FER: variants seen among roughly 807,000 people sequenced by gnomAD.
The protein encoded by FER is FER tyrosine kinase.
A neutral mutation model predicts 111.0 loss-of-function variants in FER; 63 were observed. The ratio of observed to expected loss-of-function variants is 0.57; its 90% CI spans 0.46 to 0.70. FER has a LOEUF of 0.70. Among genes scored for constraint, FER ranks in the 30% least tolerant of loss-of-function variants. FER has a pLI of 0.00. For synonymous variants in FER, 327 were observed against 313.9 expected, an observed-to-expected ratio of 1.04 and a Z score of -0.44; for missense variants, 914 against 954.0, an observed-to-expected ratio of 0.96 and a Z score of 0.55.
chr5:108,988,117 A>T (rs556278634), intron 13 of FER, among the ~76,000 whole-genome samples: 2 of 152,206 alleles, frequency 1.3e-5, no homozygotes, highest in South Asian at 4.1e-4. Context: ...ATGTTGAACC[A>T]TCCCTGCATC....
chr5:108,812,288 T>G (rs1757844409), intron 3 of FER, among the ~76,000 whole-genome samples: 1 of 152,250 alleles, frequency 6.6e-6, no homozygotes, highest in Non-Finnish European at 1.5e-5. Flanking sequence ...TTTAGGATTT[T>G]TATTTTCTCC....
At chr5:108,809,529 C>T (rs1580662524) in intron 3 of FER, among the ~76,000 whole-genome samples, 2 of 152,194 alleles carry the variant, frequency 1.3e-5, no homozygotes, top group Middle Eastern at 6.8e-3. Context: ...GTTAATCATT[C>T]TTGTAATACA....
At chr5:108,952,910 C>T (rs889326665) in intron 11 of FER, among the ~76,000 whole-genome samples, 11 of 151,924 alleles carry the variant, frequency 7.2e-5, no homozygotes, top group African/African-American at 1.7e-4. Flanking sequence ...TTTCCTGTTA[C>T]GTTGACCTTT....
chr5:108,853,197 T>A (rs1355361173), intron 5 of FER, among the ~76,000 whole-genome samples: 3 of 152,150 alleles, frequency 2.0e-5, no homozygotes, highest in African/African-American at 4.8e-5. Flanking sequence ...AATAACTTTT[T>A]AAAAATTGAT....
intron 6 of FER, among the ~76,000 whole-genome samples, chr5:108,870,294 G>T (rs1200886878): frequency 6.6e-6 from 1 of 151,884 alleles, no homozygotes; most frequent in Non-Finnish European, 1.5e-5. Context: ...CTCCCCATTT[G>T]TATTAAAGGT....
At chr5:109,168,117 G>A (rs1407978581) in intron 17 of FER, among the ~76,000 whole-genome samples, 1 of 152,144 alleles carries the variant, frequency 6.6e-6, no homozygotes. Context: ...CATACAATAT[G>A]ATGGACTGGA....
intron 16 of FER, among the ~76,000 whole-genome samples, chr5:109,059,790 T>TA (rs1774143448): frequency 6.6e-6 from 1 of 152,140 alleles, no homozygotes; most frequent in African/African-American, 2.4e-5. Flanking sequence ...AAACGTTAAA[T>TA]AAAAATCTTT....
intron 16 of FER, among the ~76,000 whole-genome samples, chr5:109,062,794 TG>T (rs1774595353): frequency 6.6e-6 from 1 of 152,186 alleles, no homozygotes; most frequent in Non-Finnish European, 1.5e-5. Context: ...CCCTTCTTTC[TG>T]ACCTGAATGT....
intron 13 of FER, among the ~76,000 whole-genome samples, chr5:108,967,112 T>G (rs73778341): frequency 0.059 from 9,002 of 152,198 alleles, 315 homozygotes; most frequent in South Asian, 0.11. Context: ...CCTGCTCACT[T>G]GGCCTGCCCG....
intron 6 of FER, among the ~76,000 whole-genome samples, chr5:108,870,067 A>T (rs1359351170): frequency 6.6e-6 from 1 of 152,086 alleles, no homozygotes; most frequent in Non-Finnish European, 1.5e-5. Flanking sequence ...GACATATTTA[A>T]ACTGTTCACA....
chr5:109,091,553 G>A (rs1746763324), intron 16 of FER, among the ~76,000 whole-genome samples: 1 of 152,152 alleles, frequency 6.6e-6, no homozygotes, highest in South Asian at 2.1e-4. Flanking sequence ...CTAGCAGTCA[G>A]GGGCTCAGTG....
chr5:109,025,799 A>G (rs1768642455), intron 13 of FER, among the ~76,000 whole-genome samples: 5 of 152,130 alleles, frequency 3.3e-5, no homozygotes, highest in Admixed American at 2.6e-4. Flanking sequence ...CATCCCATCA[A>G]TACCTAATTT....
At chr5:108,853,880 C>T (rs1762755404) in intron 5 of FER, among the ~76,000 whole-genome samples, 1 of 152,042 alleles carries the variant, frequency 6.6e-6, no homozygotes, top group Non-Finnish European at 1.5e-5. Flanking sequence ...TTGTTGTAAC[C>T]TTTTTGAGAA....
intron 8 of FER, among the ~76,000 whole-genome samples, chr5:108,872,767 A>G (rs1448507715): frequency 6.6e-6 from 1 of 152,232 alleles, no homozygotes; most frequent in Non-Finnish European, 1.5e-5. Flanking sequence ...ATTAAAAGCA[A>G]TTAGTAGTAT....
intron 13 of FER, among the ~76,000 whole-genome samples, chr5:108,968,124 C>T (rs144743803): frequency 6.6e-6 from 1 of 152,198 alleles, no homozygotes; most frequent in East Asian, 1.9e-4. Context: ...CACAGTGGCT[C>T]AGGCCTGTAA....
intron 2 of FER, among the ~76,000 whole-genome samples, chr5:108,796,478 G>C (rs1756031933): frequency 6.6e-6 from 1 of 152,174 alleles, no homozygotes; most frequent in South Asian, 2.1e-4. Context: ...GTTTCTGTAG[G>C]CTCCAAGTGG....
intron 9 of FER, among the ~76,000 whole-genome samples, chr5:108,893,725 G>T (rs1305153559): frequency 2.0e-5 from 3 of 152,046 alleles, no homozygotes; most frequent in African/African-American, 7.2e-5. Flanking sequence ...AGGCAACTGT[G>T]TGGGGCAAGC....
intron 13 of FER, chr5:109,014,982 T>A (rs1275546555): frequency 6.6e-6 from 1 of 152,054 alleles, no homozygotes; most frequent in Non-Finnish European, 1.5e-5. Flanking sequence ...TTGATTTTTT[T>A]TAAAGACTGT....
chr5:108,959,109 A>C (rs1758813695), intron 12 of FER, 116 bp from the exon 13 acceptor site: 1 of 985,850 alleles, frequency 1.0e-6, no homozygotes, highest in Admixed American at 2.5e-5. Flanking sequence ...TGTTAAGTAT[A>C]TTCACATTGT....
Sources: allele counts gnomAD v4.1 joint callset (sites outside exome capture counted in the v4.1 genomes callset), GRCh38; gene constraint gnomAD v4.1.1; transcripts MANE v1.5; gene names NCBI Gene and HGNC (gene_info 2026-07-23, HGNC 2026-07-21).